The following COLEC12 variants were observed in gnomAD, a reference collection of about 807,000 sequenced individuals.
The protein encoded by COLEC12 is collectin-12.
In COLEC12, 33 loss-of-function variants were observed where a neutral mutation model predicts 71.1. The observed-to-expected ratio is 0.46, with a 90% CI of 0.35 to 0.62. COLEC12 has a LOEUF of 0.62. Among genes scored for constraint, COLEC12 ranks in the 20% least tolerant of loss-of-function variants. The pLI is 0.00. For missense variants in COLEC12, 765 were observed against 916.1 expected, an observed-to-expected ratio of 0.84 and a Z score of 2.13; for synonymous variants, 350 against 353.0, an observed-to-expected ratio of 0.99 and a Z score of 0.10.
At chr18:350,817 A>G (rs1914499657) in intron 3 of COLEC12, among the ~76,000 whole-genome samples, 1 of 152,014 alleles carries the variant, frequency 6.6e-6, no homozygotes, top group South Asian at 2.1e-4. Flanking sequence ...AACCTCAGCT[A>G]CTTAGGAGGC....
At chr18:371,494 G>C (rs1046617472) in intron 2 of COLEC12, among the ~76,000 whole-genome samples, 2 of 146,710 alleles carry the variant, frequency 1.4e-5, no homozygotes, top group African/African-American at 4.9e-5. Context: ...CAGGACTCCA[G>C]GAGGGCCCTG....
chr18:360,191 T>C (rs1322406416), intron 2 of COLEC12, among the ~76,000 whole-genome samples: 1 of 151,704 alleles, frequency 6.6e-6, no homozygotes, highest in Non-Finnish European at 1.5e-5. Context: ...TTTTTTTTTT[T>C]TTCTTTTTTG....
At chr18:404,362 G>A (rs535749457) in intron 2 of COLEC12, among the ~76,000 whole-genome samples, 1 of 152,292 alleles carries the variant, frequency 6.6e-6, no homozygotes, top group African/African-American at 2.4e-5. Flanking sequence ...CCAAAATGCT[G>A]TTTCCTATGT....
chr18:437,692 T>C (rs138144399), intron 2 of COLEC12, among the ~76,000 whole-genome samples: 334 of 152,360 alleles, frequency 2.2e-3, no homozygotes, highest in African/African-American at 7.7e-3. Context: ...CGGATGGTGA[T>C]ACTTCACATG....
At chr18:487,891 T>C (rs1312869560) in intron 1 of COLEC12, among the ~76,000 whole-genome samples, 5 of 152,212 alleles carry the variant, frequency 3.3e-5, no homozygotes, top group Non-Finnish European at 7.3e-5. Flanking sequence ...ACCTGTGTAA[T>C]GTTCTGCTCT....
At chr18:387,092 T>C (rs892967646) in intron 2 of COLEC12, among the ~76,000 whole-genome samples, 6 of 152,224 alleles carry the variant, frequency 3.9e-5, no homozygotes, top group Non-Finnish European at 8.8e-5. Context: ...TTCCAACACA[T>C]GATCTTTATG....
chr18:354,427 T>C (rs1389774061), intron 3 of COLEC12, among the ~76,000 whole-genome samples: 1 of 152,240 alleles, frequency 6.6e-6, no homozygotes, highest in Non-Finnish European at 1.5e-5. Context: ...CAGTATGAAG[T>C]TGCCTTTGCC....
At position 463,882 on chromosome 18, in the gene COLEC12, C is replaced by T. The variant is rs1366307829; in HGVS notation, c.58+16825G>A. On this transcript the variant is annotated intron_variant, in intron 2 of 9. Transcript: ENST00000400256. ...GCTGTCAGAGACCAGGCATTTTAATCAACTCAAGTTGAAATTCTTTTGCCT... is the reference window on the plus strand; with the variant it reads ...GCTGTCAGAGACCAGGCATTTTAATTAACTCAAGTTGAAATTCTTTTGCCT... Among the ~76,000 whole-genome samples the T allele has an allele frequency of 8.5e-5, 13 of 152,166 alleles. 1 individual carries two copies.
At chr18:444,753 CA>C in intron 2 of COLEC12, among the ~76,000 whole-genome samples, 1 of 152,138 alleles carries the variant, frequency 6.6e-6, no homozygotes, top group African/African-American at 2.4e-5. Context: ...TATCTGCAAA[CA>C]AATGGGATTG....
rs954832494 is a variant in COLEC12, at chr18:319,917, T to C, written c.*128A>G. The C allele has an allele frequency of 4.3e-6, 3 of 695,372 alleles. No homozygotes were observed. The highest frequency in any genetic ancestry group is 3.4e-5 in the South Asian group (2 of 59,578). The allele number at this position is 695,372 out of a possible 1,614,324, so 43.1% of individuals were successfully genotyped here. ...GATGGTAAAAAACACTAGCTGTCAA[T>C]TTTTTTTCAGTAATTGGTTTTCAGT... On this transcript the variant is annotated 3_prime_UTR_variant, in exon 10 of 10. Coordinates refer to ENST00000400256, the MANE Select transcript of COLEC12 (RefSeq NM_130386.3).
intron 2 of COLEC12, among the ~76,000 whole-genome samples, chr18:427,669 CTAGTGACTTGCACAATT>C (rs1407152090): frequency 6.6e-6 from 1 of 152,136 alleles, no homozygotes; most frequent in Non-Finnish European, 1.5e-5. Flanking sequence ...TGTATTCTCT[CTAGTGACTTGCACAATT>C]CATAACCGGT....
chr18:402,727 G>A (rs976007844), intron 2 of COLEC12, among the ~76,000 whole-genome samples: 1 of 151,956 alleles, frequency 6.6e-6, no homozygotes, highest in Admixed American at 6.6e-5. Flanking sequence ...TTTCAGACTC[G>A]TGTGGGTCTT....
chr18:349,768 G>A (rs1361366937), intron 3 of COLEC12, among the ~76,000 whole-genome samples: 2 of 152,226 alleles, frequency 1.3e-5, no homozygotes, highest in African/African-American at 4.8e-5. Flanking sequence ...GGAGTCAAAG[G>A]AGATAATTGT....
chr18:340,091 A>C (rs965122700), intron 5 of COLEC12, among the ~76,000 whole-genome samples: 2 of 150,936 alleles, frequency 1.3e-5, no homozygotes, highest in African/African-American at 4.9e-5. Flanking sequence ...AAAAAAAAAA[A>C]CAAAAAGAAC....
intron 2 of COLEC12, among the ~76,000 whole-genome samples, chr18:414,633 A>C (rs1268049446): frequency 2.0e-5 from 3 of 152,116 alleles, no homozygotes; most frequent in African/African-American, 7.2e-5. Context: ...ACAAAAAACA[A>C]AACCGAACTC....
At chr18:386,216 T>A (rs1915342760) in intron 2 of COLEC12, among the ~76,000 whole-genome samples, 1 of 152,210 alleles carries the variant, frequency 6.6e-6, no homozygotes, top group South Asian at 2.1e-4. Context: ...CCCTTTGAAC[T>A]ACTTATTCTT....
intron 2 of COLEC12, among the ~76,000 whole-genome samples, chr18:400,736 G>A (rs2143613641): frequency 6.6e-6 from 1 of 152,284 alleles, no homozygotes; most frequent in Non-Finnish European, 1.5e-5. Context: ...AAATGCCTGA[G>A]CACATGGCTG....
chr18:391,370 G>T (rs1302939003), intron 2 of COLEC12, among the ~76,000 whole-genome samples: 4 of 152,226 alleles, frequency 2.6e-5, no homozygotes, highest in African/African-American at 9.6e-5. Flanking sequence ...GGGGTGGATT[G>T]CTTTTTGAAA....
At position 347,598 on chromosome 18, in the gene COLEC12, A is replaced by C. The variant is rs562339556; in HGVS notation, c.281-257T>G. On this transcript the variant is annotated intron_variant, in intron 4 of 9. Coordinates refer to ENST00000400256, the MANE Select transcript of COLEC12 (RefSeq NM_130386.3). Reference sequence around the variant, plus strand: ...CAAAGAGGGAGGGGGAATTTACTAGATTTTAGGGCAGTGGGCAGGCTGTCA... The same window carrying C: ...CAAAGAGGGAGGGGGAATTTACTAGCTTTTAGGGCAGTGGGCAGGCTGTCA... Among the ~76,000 whole-genome samples the C allele has an allele frequency of 2.0e-5, 3 of 152,288 alleles. No individual in the cohort carries two copies. In the South Asian group the frequency reaches 6.2e-4, roughly 32 times the overall value.
Sources: allele counts gnomAD v4.1 joint callset (sites outside exome capture counted in the v4.1 genomes callset), GRCh38; gene constraint gnomAD v4.1.1; transcripts MANE v1.5; gene names NCBI Gene and HGNC (gene_info 2026-07-23, HGNC 2026-07-21).